Variants in ALG9 observed in about 807,000 individuals in gnomAD.
ALG9 encodes the protein ALG9 alpha-1,2-mannosyltransferase.
A neutral mutation model predicts 81.8 loss-of-function variants in ALG9; 55 were observed. That is an observed-to-expected ratio of 0.67 (90% CI 0.54 to 0.84). The LOEUF is 0.84. Ranked by LOEUF, ALG9 falls within the 40% of genes least tolerant of loss-of-function variation. The pLI, the probability that ALG9 is intolerant of heterozygous loss-of-function variation, is 0.00. For missense variants in ALG9, 629 were observed against 745.0 expected (o/e 0.84, Z 1.81); for synonymous variants, 278 against 274.3 (o/e 1.01, Z -0.13).
At chr11:111,781,067 A>G (rs1272117988), downstream of ALG9, among the ~76,000 whole-genome samples, 4 of 152,248 alleles carry the variant, frequency 2.6e-5, no homozygotes, top group Non-Finnish European at 5.9e-5. Flanking sequence ...ATAGGGAGAA[A>G]GATGACATTC....
intron 2 of ALG9, among the ~76,000 whole-genome samples, chr11:111,869,110 T>A (rs1432565327): frequency 6.6e-6 from 1 of 152,164 alleles, no homozygotes; most frequent in Non-Finnish European, 1.5e-5. Context: ...CGATCTGCAA[T>A]TGATGGATAA....
chr11:111,778,721 TA>T (rs1257964107), downstream of ALG9, among the ~76,000 whole-genome samples: 3 of 150,998 alleles, frequency 2.0e-5, no homozygotes, highest in African/African-American at 4.9e-5. Flanking sequence ...CTGGAGAGTT[TA>T]AAAAAAAACA....
At chr11:111,819,199 C>T (rs1334207080) in intron 13 of ALG9, among the ~76,000 whole-genome samples, 13 of 152,250 alleles carry the variant, frequency 8.5e-5, no homozygotes, top group Non-Finnish European at 1.9e-4. Flanking sequence ...GTCCAACCTC[C>T]TATTCTCAGT....
At chr11:111,831,521 A>G (rs781883864) in intron 13 of ALG9, among the ~76,000 whole-genome samples, 1 of 152,122 alleles carries the variant, frequency 6.6e-6, no homozygotes, top group African/African-American at 2.4e-5. Context: ...AAAACAAACA[A>G]ACAGAAAGCA....
chr11:111,787,126 C>T (rs562384384), intron 14 of ALG9, among the ~76,000 whole-genome samples: 1 of 152,282 alleles, frequency 6.6e-6, no homozygotes, highest in Admixed American at 6.5e-5. Context: ...GTGAAAAGTG[C>T]TTATACTTTT....
rs563636461 is a variant in ALG9 at position 111,870,275 on chromosome 11, C to T, written c.227G>A (p.Ser76Asn). 5.0e-6 allele frequency: 8 copies of T among 1,611,386 alleles called. No homozygotes were observed. The African/African-American group carries it at 1.1e-4, about 22-fold the overall frequency. ...LSARLCAALL[S>N]NISDCDETFN... ...TGTTTCATCACAGTCAGAGATGTTG[C>T]TCAGGAGAGCAGCACATAACCTTGC... The change falls in exon 2 of 15, where the codon AGC (serine) becomes AAC (asparagine). Residue 76 changes from serine to asparagine, a missense_variant. Ser to Asn is a conservative substitution (Grantham distance 46). This residue lies in a region of ALG9 where 344 missense variants were observed against 390.5 expected (regional missense o/e 0.88). Coordinates refer to ENST00000616540, the MANE Select transcript of ALG9 (RefSeq NM_024740.2).
At chr11:111,864,108 C>T in intron 4 of ALG9, 1 of 454,490 alleles carries the variant, frequency 2.2e-6, no homozygotes, top group Admixed American at 3.9e-5. Context: ...GTAACCAAAA[C>T]CCACCTGTAC....
chr11:111,834,237 G>A (rs1221567449), intron 13 of ALG9, among the ~76,000 whole-genome samples: 2 of 152,174 alleles, frequency 1.3e-5, no homozygotes, highest in Admixed American at 1.3e-4. Context: ...ACTTCAAAGA[G>A]GAAGATAATT....
chr11:111,824,938 T>C (rs561800715), intron 13 of ALG9, among the ~76,000 whole-genome samples: 6 of 152,332 alleles, frequency 3.9e-5, no homozygotes, highest in East Asian at 1.9e-4. Context: ...AGACCTATCA[T>C]AGCTAAAAGA....
At chr11:111,857,778 G>A (rs1380215025) in intron 5 of ALG9, 41 bp from the exon 6 acceptor site, 1 of 1,611,736 alleles carries the variant, frequency 6.2e-7, no homozygotes, top group African/African-American at 1.3e-5. Context: ...GAGGACAAGA[G>A]CTCGAGGTTA....
chr11:111,855,647 T>C (rs1555142553), intron 6 of ALG9, among the ~76,000 whole-genome samples: 1 of 152,082 alleles, frequency 6.6e-6, no homozygotes, highest in African/African-American at 2.4e-5. Flanking sequence ...GGAACAGCTA[T>C]GGAGAGAAGA....
chr11:111,796,617 G>T (rs538167893), intron 14 of ALG9, among the ~76,000 whole-genome samples: 1 of 152,304 alleles, frequency 6.6e-6, no homozygotes, highest in African/African-American at 2.4e-5. Context: ...AATCTGGCCT[G>T]GGGTAGCTCT....
chr11:111,772,582 C>T, the ALG9 span, among the ~76,000 whole-genome samples: 1 of 152,184 alleles, frequency 6.6e-6, no homozygotes, highest in African/African-American at 2.4e-5. Context: ...ATCTTGGTTT[C>T]TACATTTATA....
At chr11:111,848,644 A>C (rs559895013) in intron 8 of ALG9, among the ~76,000 whole-genome samples, 5 of 152,232 alleles carry the variant, frequency 3.3e-5, no homozygotes, top group African/African-American at 1.2e-4. Context: ...AAACATTTAT[A>C]TGATTATAAC....
intron 6 of ALG9, among the ~76,000 whole-genome samples, chr11:111,854,404 G>A (rs2137063619): frequency 6.6e-6 from 1 of 151,934 alleles, no homozygotes; most frequent in Non-Finnish European, 1.5e-5. Context: ...AAGTAACTGG[G>A]ACTACAGGTG....
chr11:111,787,331 G>C (rs1032332916), intron 14 of ALG9, among the ~76,000 whole-genome samples: 3 of 152,040 alleles, frequency 2.0e-5, no homozygotes, highest in Non-Finnish European at 4.4e-5. Context: ...TACTTGGGAG[G>C]CTGAGACAGG....
At chr11:111,843,992 T>C (rs918444481) in intron 9 of ALG9, among the ~76,000 whole-genome samples, 11 of 152,178 alleles carry the variant, frequency 7.2e-5, no homozygotes, top group Non-Finnish European at 1.6e-4. Context: ...AAAACTCAAA[T>C]AGGCTTGTTC....
At chr11:111,811,609 G>A (rs1950729083) in intron 13 of ALG9, among the ~76,000 whole-genome samples, 1 of 151,612 alleles carries the variant, frequency 6.6e-6, no homozygotes. Context: ...GATTCATGTG[G>A]TATATCCATA....
chr11:111,804,477 G>A (rs1430983206), intron 14 of ALG9, among the ~76,000 whole-genome samples: 2 of 152,104 alleles, frequency 1.3e-5, no homozygotes, highest in African/African-American at 2.4e-5. Flanking sequence ...TGTAATCCGA[G>A]CGCTTTCGGG....
Sources: allele counts gnomAD v4.1 joint callset (sites outside exome capture counted in the v4.1 genomes callset), GRCh38; gene constraint gnomAD v4.1.1; regional missense constraint gnomAD v4.1.1; transcripts MANE v1.5; gene names NCBI Gene and HGNC (gene_info 2026-07-23, HGNC 2026-07-21).